Variants in RGL1 observed in about 807,000 individuals in gnomAD.
RGL1 encodes ral guanine nucleotide dissociation stimulator-like 1.
Under a neutral mutation model 95.2 loss-of-function variants are expected in RGL1, and 24 were observed. The ratio of observed to expected loss-of-function variants is 0.25; its 90% confidence interval spans 0.18 to 0.35. The LOEUF (loss-of-function observed/expected upper bound fraction) is 0.35, where lower values mean the gene tolerates loss of function less well. Among genes scored for constraint, RGL1 ranks in the 10% least tolerant of loss-of-function variants. The probability of loss-of-function intolerance (pLI) is 1.00; values close to 1 mark genes in which losing one functional copy is unlikely to be tolerated. For synonymous variants in RGL1, 329 were observed against 344.9 expected (o/e 0.95, Z 0.51); for missense variants, 715 against 936.3 (o/e 0.76, Z 3.08).
chr1:183,902,197 G>A (rs1016333532), intron 11 of RGL1, among the ~76,000 whole-genome samples: 4 of 152,300 alleles, frequency 2.6e-5, no homozygotes, highest in South Asian at 2.1e-4. Context: ...TTGATAAACC[G>A]TATGAGTCAA....
At chr1:183,868,892 G>T (rs1380691883) in intron 4 of RGL1, among the ~76,000 whole-genome samples, 1 of 152,226 alleles carries the variant, frequency 6.6e-6, no homozygotes, top group Non-Finnish European at 1.5e-5. Context: ...CAGGAGGGAA[G>T]ATCACTTAAG....
intron 2 of RGL1, among the ~76,000 whole-genome samples, chr1:183,837,415 C>T (rs1663740377): frequency 1.3e-5 from 2 of 151,092 alleles, no homozygotes; most frequent in Non-Finnish European, 3.0e-5. Context: ...AGACCTTGGA[C>T]ATTTGAGGCT....
At chr1:183,884,470 T>C (rs1299759427) in intron 6 of RGL1, among the ~76,000 whole-genome samples, 1 of 152,182 alleles carries the variant, frequency 6.6e-6, no homozygotes, top group Non-Finnish European at 1.5e-5. Context: ...CGTGGTGGCT[T>C]TAGCTCTTCT....
chr1:183,794,114 A>G (rs1279308167), intron 2 of RGL1, among the ~76,000 whole-genome samples: 1 of 152,030 alleles, frequency 6.6e-6, no homozygotes, highest in Admixed American at 6.6e-5. Context: ...CAGCCATAAA[A>G]AAATGAAATT....
intron 2 of RGL1, among the ~76,000 whole-genome samples, chr1:183,757,708 T>C (rs1443907171): frequency 6.6e-6 from 1 of 152,202 alleles, no homozygotes; most frequent in Non-Finnish European, 1.5e-5. Flanking sequence ...CTTGGTGCTT[T>C]CATATTTATT....
intron 1 of RGL1, among the ~76,000 whole-genome samples, chr1:183,655,034 C>T (rs1365072206): frequency 2.0e-5 from 3 of 152,224 alleles, no homozygotes; most frequent in African/African-American, 7.2e-5. Context: ...GCTTCCCCAA[C>T]AGACTCCTTT....
At chr1:183,761,402 C>T (rs1271511257) in intron 2 of RGL1, among the ~76,000 whole-genome samples, 1 of 152,174 alleles carries the variant, frequency 6.6e-6, no homozygotes, top group Non-Finnish European at 1.5e-5. Context: ...CTTGGGTGAC[C>T]AGCCACATTG....
At chr1:183,666,561 C>G (rs1652052593) in intron 1 of RGL1, among the ~76,000 whole-genome samples, 1 of 151,842 alleles carries the variant, frequency 6.6e-6, no homozygotes, top group Admixed American at 6.6e-5. Flanking sequence ...CCATGTTTCC[C>G]AGGCTGGTCT....
intron 2 of RGL1, among the ~76,000 whole-genome samples, chr1:183,816,944 T>TG (rs1486345472): frequency 6.6e-6 from 1 of 151,208 alleles, no homozygotes; most frequent in African/African-American, 2.4e-5. Context: ...AGATTGGTTG[T>TG]GGGAAAAAAA....
intron 1 of RGL1, among the ~76,000 whole-genome samples, chr1:183,641,057 T>C (rs1359114224): frequency 6.6e-6 from 1 of 152,242 alleles, no homozygotes; most frequent in Non-Finnish European, 1.5e-5. Flanking sequence ...TAGAATAAAC[T>C]CTATTTGGTT....
At chr1:183,696,244 T>C (rs959286318) in intron 1 of RGL1, among the ~76,000 whole-genome samples, 3 of 152,166 alleles carry the variant, frequency 2.0e-5, no homozygotes, top group African/African-American at 7.2e-5. Flanking sequence ...CCTGGCTTTC[T>C]TCCCATCTCA....
intron 1 of RGL1, among the ~76,000 whole-genome samples, chr1:183,740,434 G>A (rs1196296741): frequency 1.3e-5 from 2 of 152,196 alleles, no homozygotes; most frequent in African/African-American, 4.8e-5. Context: ...AAGCCCCAGA[G>A]CAGAGAAGTA....
intron 1 of RGL1, among the ~76,000 whole-genome samples, chr1:183,637,526 T>C (rs1358576969): frequency 6.6e-6 from 1 of 152,200 alleles, no homozygotes; most frequent in East Asian, 1.9e-4. Flanking sequence ...ATGTCCAGTC[T>C]TCTTTAAGTT....
At chr1:183,693,774 TA>T (rs2102120309) in intron 1 of RGL1, among the ~76,000 whole-genome samples, 1 of 152,244 alleles carries the variant, frequency 6.6e-6, no homozygotes, top group Non-Finnish European at 1.5e-5. Flanking sequence ...TTTCAGGCAG[TA>T]AAGTGTTGTT....
chr1:183,898,506 G>C (rs1454473251), intron 10 of RGL1, among the ~76,000 whole-genome samples: 1 of 152,220 alleles, frequency 6.6e-6, no homozygotes, highest in Non-Finnish European at 1.5e-5. Flanking sequence ...CTGACTGTTA[G>C]CATAAAGTGT....
At chr1:183,703,839 A>G (rs892839075) in intron 1 of RGL1, among the ~76,000 whole-genome samples, 2 of 152,210 alleles carry the variant, frequency 1.3e-5, no homozygotes, top group Non-Finnish European at 2.9e-5. Flanking sequence ...AGTGGCAGAT[A>G]GAGCAGGACT....
intron 3 of RGL1, 151 bp downstream of exon 3, chr1:183,847,925 G>C (rs1396074997): frequency 1.6e-6 from 1 of 628,740 alleles, no homozygotes; most frequent in Non-Finnish European, 2.7e-6. Flanking sequence ...CAAATGAAAA[G>C]AAGATCATTC....
chr1:183,824,275 G>A (rs919418222), intron 2 of RGL1, among the ~76,000 whole-genome samples: 2 of 152,056 alleles, frequency 1.3e-5, no homozygotes, highest in Non-Finnish European at 2.9e-5. Context: ...TCTAATTTCT[G>A]TGAAGATTCC....
intron 1 of RGL1, among the ~76,000 whole-genome samples, chr1:183,685,390 A>G (rs930439236): frequency 2.0e-5 from 3 of 152,236 alleles, no homozygotes; most frequent in Non-Finnish European, 4.4e-5. Flanking sequence ...TGATTTACAT[A>G]GAATGTAAAA....
Sources: gnomAD v4.1 joint callset for allele counts (sites outside exome capture counted in the v4.1 genomes callset) on GRCh38, gnomAD v4.1.1 for gene constraint, MANE v1.5 for transcripts, NCBI Gene and HGNC (gene_info 2026-07-23, HGNC 2026-07-21) for gene names.